The following CTNNA2 variants were observed in gnomAD, a reference collection of about 807,000 sequenced individuals.
CTNNA2 encodes catenin alpha 2, also known as catenin alpha-2.
CTNNA2 carries 42 observed loss-of-function variants against 101.0 expected under a neutral mutation model. That is an observed-to-expected ratio of 0.42 (90% CI 0.32 to 0.54). The LOEUF is 0.54. Ranked by LOEUF, CTNNA2 falls within the 20% of genes least tolerant of loss-of-function variation. CTNNA2 has a pLI of 0.14. For missense variants in CTNNA2, 871 were observed against 1,223.1 expected (o/e 0.71, Z 4.29); for synonymous variants, 450 against 456.4 (o/e 0.99, Z 0.18).
At chr2:80,426,164 G>A (rs938341864) in intron 9 of CTNNA2, among the ~76,000 whole-genome samples, 2 of 152,098 alleles carry the variant, frequency 1.3e-5, no homozygotes, top group Non-Finnish European at 2.9e-5. Flanking sequence ...GGCCGACCCT[G>A]AGGGTATGCC....
intron 2 of CTNNA2, among the ~76,000 whole-genome samples, chr2:79,736,212 A>G (rs1042041109): frequency 2.6e-5 from 4 of 152,170 alleles, no homozygotes; most frequent in Non-Finnish European, 5.9e-5. Flanking sequence ...ACATACATAT[A>G]TCTTTAAATC....
chr2:79,556,185 A>C (rs567000105), intron 1 of CTNNA2, among the ~76,000 whole-genome samples: 4 of 152,188 alleles, frequency 2.6e-5, no homozygotes, highest in African/African-American at 9.6e-5. Flanking sequence ...TTGTTAATAT[A>C]ATAATGATAG....
At chr2:79,751,693 G>A (rs1280076405) in intron 3 of CTNNA2, among the ~76,000 whole-genome samples, 3 of 151,442 alleles carry the variant, frequency 2.0e-5, no homozygotes, top group Admixed American at 1.3e-4. Context: ...ATGAAAGGAA[G>A]GGAGAGAGGG....
chr2:79,797,843 AGGATTGCACTGTTCTCT>A (rs1221661943), intron 3 of CTNNA2, among the ~76,000 whole-genome samples: 1 of 152,134 alleles, frequency 6.6e-6, no homozygotes, highest in Admixed American at 6.5e-5. Flanking sequence ...TAGATGCTTT[AGGATTGCACTGTTCTCT>A]GGGGTGGATT....
chr2:80,084,425 T>C (rs367813350), intron 7 of CTNNA2, among the ~76,000 whole-genome samples: 3 of 152,208 alleles, frequency 2.0e-5, no homozygotes, highest in South Asian at 4.1e-4. Context: ...TCCTTTTTAT[T>C]TTTATCTTTA....
intron 7 of CTNNA2, among the ~76,000 whole-genome samples, chr2:80,238,916 C>T (rs1008241929): frequency 6.6e-6 from 1 of 152,076 alleles, no homozygotes; most frequent in Admixed American, 6.6e-5. Context: ...GCTGATCTGT[C>T]GGCTGGGAGG....
At chr2:79,535,929 T>C (rs936509123) in intron 1 of CTNNA2, among the ~76,000 whole-genome samples, 21 of 152,170 alleles carry the variant, frequency 1.4e-4, no homozygotes, top group African/African-American at 5.1e-4. Context: ...ATATCACTAA[T>C]GTTTGTGGAA....
At chr2:80,217,286 T>C (rs949277390) in intron 7 of CTNNA2, among the ~76,000 whole-genome samples, 1 of 152,118 alleles carries the variant, frequency 6.6e-6, no homozygotes, top group African/African-American at 2.4e-5. Context: ...CATTTTTACA[T>C]TGGTTTCTAA....
intron 2 of CTNNA2, among the ~76,000 whole-genome samples, chr2:79,672,966 C>T (rs1210549293): frequency 6.6e-6 from 1 of 151,984 alleles, no homozygotes; most frequent in Admixed American, 6.6e-5. Flanking sequence ...CCTCGGCCTC[C>T]CAAAGTGCTG....
intron 7 of CTNNA2, among the ~76,000 whole-genome samples, chr2:80,000,146 C>T (rs1259662105): frequency 1.3e-5 from 2 of 152,080 alleles, no homozygotes; most frequent in Non-Finnish European, 2.9e-5. Context: ...AAAACAACTC[C>T]CTGGTTTTAA....
At chr2:79,391,939 C>T (rs1004088599) in intron 4 of CTNNA2, among the ~76,000 whole-genome samples, 30 of 152,308 alleles carry the variant, frequency 2.0e-4, no homozygotes, top group African/African-American at 7.2e-4. Context: ...TGCATCCTCA[C>T]ACATAATCAT....
Position 80,530,730 on chromosome 2 carries a change from A to G in CTNNA2, c.1291-14252A>G, listed in dbSNP as rs532170555. The stretch of plus-strand genomic sequence containing the variant: ...ATGGTTTCGATAGCACTGTTTAATG[A>G]GCCTAAGACAGCAGATATGGAGAAC... On this transcript the variant is annotated intron_variant, in intron 9 of 18. Coordinates refer to ENST00000402739, the MANE Select transcript of CTNNA2 (RefSeq NM_001282597.3). Among the ~76,000 whole-genome samples, 11 of 152,296 alleles carry G rather than the reference A, an allele frequency of 7.2e-5. No individual in the cohort carries two copies. The South Asian group carries it at 1.7e-3, about 23-fold the overall frequency.
chr2:80,612,543 C>G (rs1445851881), intron 17 of CTNNA2, among the ~76,000 whole-genome samples: 1 of 151,302 alleles, frequency 6.6e-6, no homozygotes, highest in African/African-American at 2.4e-5. Flanking sequence ...TGATCCAATA[C>G]AAATTAGGGA....
intron 2 of CTNNA2, among the ~76,000 whole-genome samples, chr2:79,202,135 G>GGAA (rs1674043226): frequency 6.6e-6 from 1 of 152,134 alleles, no homozygotes; most frequent in Non-Finnish European, 1.5e-5. Flanking sequence ...GATTAGCAGA[G>GGAA]GAAGCAATGA....
intron 3 of CTNNA2, among the ~76,000 whole-genome samples, chr2:79,811,795 C>T (rs1270422162): frequency 6.6e-6 from 1 of 152,108 alleles, no homozygotes; most frequent in Admixed American, 6.6e-5. Flanking sequence ...GGATTATAGT[C>T]AATCTATGGA....
At chr2:79,963,095 AAT>A (rs1294369323) in intron 7 of CTNNA2, among the ~76,000 whole-genome samples, 47 of 145,862 alleles carry the variant, frequency 3.2e-4, no homozygotes, top group Admixed American at 1.2e-3. Flanking sequence ...AAAAAAAAAA[AAT>A]GTTACACAAA....
chr2:80,393,071 T>C, intron 7 of CTNNA2, 140 bp from the exon 8 acceptor site: 2 of 579,310 alleles, frequency 3.5e-6, no homozygotes, highest in Non-Finnish European at 3.0e-6. Flanking sequence ...GACCAAATCA[T>C]GTTATAGTTA....
chr2:79,434,541 C>G (rs192046890), intron 4 of CTNNA2, among the ~76,000 whole-genome samples: 1 of 152,126 alleles, frequency 6.6e-6, no homozygotes, highest in Non-Finnish European at 1.5e-5. Context: ...GAGTCTGGTC[C>G]TGCAGGAATG....
intron 7 of CTNNA2, among the ~76,000 whole-genome samples, chr2:80,171,080 A>T (rs952940523): frequency 6.6e-6 from 1 of 152,234 alleles, no homozygotes; most frequent in Admixed American, 6.5e-5. Flanking sequence ...TTTATTATTT[A>T]AAATTCTCCT....
Sources: gnomAD v4.1 joint callset for allele counts (sites outside exome capture counted in the v4.1 genomes callset) on GRCh38, gnomAD v4.1.1 for gene constraint, MANE v1.5 for transcripts, NCBI Gene and HGNC (gene_info 2026-07-23, HGNC 2026-07-21) for gene names.